SLC6A9: variants seen among roughly 807,000 people sequenced by gnomAD.
The protein encoded by SLC6A9 is sodium- and chloride-dependent glycine transporter 1.
In SLC6A9, 31 loss-of-function variants were observed where a neutral mutation model predicts 70.9. The ratio of observed to expected loss-of-function variants is 0.44; its 90% CI spans 0.33 to 0.59. The LOEUF is 0.59. Among genes scored for constraint, SLC6A9 ranks in the 20% least tolerant of loss-of-function variants. The pLI is 0.04. For synonymous variants in SLC6A9, 310 were observed against 341.3 expected (o/e 0.91, Z 1.01); for missense variants, 631 against 845.2 (o/e 0.75, Z 3.14).
intron 4 of SLC6A9, among the ~76,000 whole-genome samples, chr1:44,009,242 T>C (rs1223744065): frequency 6.9e-6 from 1 of 144,730 alleles, no homozygotes; most frequent in Non-Finnish European, 1.5e-5. Context: ...TTTTTTGACA[T>C]GGAGTCTCCC....
At chr1:44,010,464 G>C (rs935828577) in intron 3 of SLC6A9, 5 of 234,624 alleles carry the variant, frequency 2.1e-5, no homozygotes, top group African/African-American at 7.0e-5. Context: ...GGCGGGGGGG[G>C]GGGGGGGTTA....
rs1467317698 is a variant in SLC6A9, at chr1:44,013,888, C to CT, written c.31-3007dup. Among the ~76,000 whole-genome samples, 1 of 152,192 alleles carries CT rather than the reference C, an allele frequency of 6.6e-6. No individual in the cohort carries two copies. Among genetic ancestry groups the CT allele is most frequent in the Non-Finnish European group, 1.5e-5 (1 of 68,030 alleles). ...CTAAATCTTTTTCAATACTGTATGG[C>CT]TTTTTTTCTCCCTCCTTGCATAATC... On this transcript the variant is annotated intron_variant, in intron 2 of 13. Coordinates refer to ENST00000372310, the MANE Select transcript of SLC6A9 (RefSeq NM_001024845.3). This position sits in a 1 kb window ranked among gnomAD's most constrained non-coding sequence, Gnocchi z 5.3.
At chr1:44,009,842 TG>T in intron 4 of SLC6A9, 122 bp downstream of exon 4, 1 of 1,179,398 alleles carries the variant, frequency 8.5e-7, no homozygotes, top group Non-Finnish European at 1.2e-6. Context: ...ATGTGGGGCT[TG>T]GGGTCAGCAT....
Position 44,000,971 on chromosome 1 carries a change from T to C in SLC6A9, c.1420A>G (p.Ile474Val), listed in dbSNP as rs778742760. Residue 474 changes from isoleucine (I) to valine (V), a missense_variant, in exon 11 of 14, where the codon ATC (isoleucine) becomes GTC (valine). Ile to Val is a conservative substitution (Grantham distance 29). Coordinates refer to ENST00000372310, the MANE Select transcript of SLC6A9 (RefSeq NM_001024845.3). ...VVISCIMCVA[I>V]MYIYGHRNYF... ...GAGTGCTCACCGTAGATGTACATGA[T>C]GGCCACACACATGATGCAGGAGATG... 1.3e-6 allele frequency: 2 copies of C among 1,598,598 alleles called. No homozygotes were observed. Among genetic ancestry groups the C allele is most frequent in the South Asian group, 1.1e-5 (1 of 88,918 alleles).
Position 43,997,272 on chromosome 1 carries a change from GGA to G in SLC6A9, c.*271_*272del. ...CACGTAAAGCCATCCAGGCTGCTGG[GGA>G]CCTGGCCCGAGACCCCTCCAAAGTG... On this transcript the variant is annotated 3_prime_UTR_variant, in exon 14 of 14. Coordinates refer to ENST00000372310, the MANE Select transcript of SLC6A9 (RefSeq NM_001024845.3). This position sits in a 1 kb window ranked among gnomAD's most constrained non-coding sequence, Gnocchi z 4.4. 2 of 483,946 alleles carry G rather than the reference GGA, an allele frequency of 4.1e-6. No individual in the cohort carries two copies. Among genetic ancestry groups the G allele is most frequent in the South Asian group, 2.5e-5 (1 of 40,020 alleles). 30.0% of individuals were successfully genotyped at this position (483,946 alleles called of 1,614,324 possible).
chr1:44,026,479 C>T (rs1007561879), intron 1 of SLC6A9, among the ~76,000 whole-genome samples: 1 of 151,882 alleles, frequency 6.6e-6, no homozygotes, highest in Non-Finnish European at 1.5e-5. Context: ...ACCAATATGG[C>T]GAAATCCCGT....
At chr1:44,005,515 C>T (rs907983484) in intron 5 of SLC6A9, among the ~76,000 whole-genome samples, 1 of 152,128 alleles carries the variant, frequency 6.6e-6, no homozygotes, top group Admixed American at 6.5e-5. Flanking sequence ...AGTGAGATCG[C>T]GCAGCTGTCC....
At chr1:44,004,196 A>G (rs1246310648) in intron 5 of SLC6A9, among the ~76,000 whole-genome samples, 1 of 151,804 alleles carries the variant, frequency 6.6e-6, no homozygotes, top group Non-Finnish European at 1.5e-5. Flanking sequence ...GGATTTCACC[A>G]TGTTGGCCAG....
chr1:44,019,853 CG>C (rs1285595981), intron 2 of SLC6A9, among the ~76,000 whole-genome samples: 1 of 151,928 alleles, frequency 6.6e-6, no homozygotes, highest in East Asian at 1.9e-4. Context: ...GGGAAGGTCC[CG>C]CTGAGCTGGG....
intron 1 of SLC6A9, among the ~76,000 whole-genome samples, chr1:44,027,364 G>A (rs1046790523): frequency 1.3e-5 from 2 of 152,178 alleles, no homozygotes; most frequent in Non-Finnish European, 2.9e-5. Context: ...TAGTTTCCTC[G>A]TAAGTTCTGA....
intron 5 of SLC6A9, among the ~76,000 whole-genome samples, chr1:44,004,976 C>T (rs2086258369): frequency 6.6e-6 from 1 of 152,238 alleles, no homozygotes; most frequent in African/African-American, 2.4e-5. Flanking sequence ...ACAGGTCCCA[C>T]AGGGGCTGTG....
At chr1:44,025,457 A>C (rs1213864156) in intron 1 of SLC6A9, among the ~76,000 whole-genome samples, 1 of 148,788 alleles carries the variant, frequency 6.7e-6, no homozygotes, top group Non-Finnish European at 1.5e-5. Flanking sequence ...GCCTCATTGC[A>C]CTCCAGCCTG....
chr1:44,012,823 C>T (rs925794577), intron 2 of SLC6A9, among the ~76,000 whole-genome samples: 8 of 152,144 alleles, frequency 5.3e-5, no homozygotes, highest in Non-Finnish European at 1.5e-5. Flanking sequence ...TAGAGGGTGC[C>T]CCCCGGCCTG....
chr1:44,006,449 G>A (rs1405050139), intron 5 of SLC6A9, among the ~76,000 whole-genome samples: 1 of 151,870 alleles, frequency 6.6e-6, no homozygotes, highest in Non-Finnish European at 1.5e-5. Flanking sequence ...CAAGCCAGGC[G>A]TGGTGGCGGG....
intron 2 of SLC6A9, among the ~76,000 whole-genome samples, chr1:44,021,748 T>C (rs916688535): frequency 5.9e-5 from 9 of 152,178 alleles, no homozygotes; most frequent in African/African-American, 2.2e-4. Context: ...TTACTAGCCA[T>C]AGGAAGACAC....
intron 12 of SLC6A9, 124 bp from the exon 13 acceptor site, chr1:43,998,149 C>G: frequency 1.1e-6 from 1 of 910,712 alleles, no homozygotes; most frequent in Non-Finnish European, 1.6e-6. Context: ...TGGGGCAGAA[C>G]AGGGACAGCT....
In SLC6A9 at chr1:44,001,573, G is replaced by A. The variant is rs200941888; in HGVS notation, c.1017C>T (p.Phe339=). Residue 339 remains phenylalanine (F), a synonymous_variant, in exon 9 of 14, where the codon TTC becomes TTT. Transcript: ENST00000372310. ...TGAAGCCGAGGATGGAGAAGATGAC[G>A]AAGCCAGCATAGACGCTGGTGGCAC... ...TNCATSVYAG[F]VIFSILGFMA... is the part of the protein sequence containing the mutation. 136 of 1,614,136 alleles carry A rather than the reference G, an allele frequency of 8.4e-5. No homozygotes were observed. Among genetic ancestry groups the A allele is most frequent in the Middle Eastern group, 8.2e-4 (5 of 6,082 alleles).
In SLC6A9 at chr1:44,024,365, G is replaced by A; in HGVS notation, c.-85-3C>T. ...TTTCAGGCCACAGATCTCAAGAGCT[G>A]TGGAGAGAGCAGAGGGTGAGGTGAG... On this transcript the variant is annotated splice_polypyrimidine_tract_variant and splice_region_variant and intron_variant, in intron 1 of 13. Transcript: ENST00000372310. 2 of 1,524,268 alleles carry A rather than the reference G, an allele frequency of 1.3e-6. No homozygotes were observed. Among genetic ancestry groups the A allele is most frequent in the Non-Finnish European group, 1.8e-6 (2 of 1,098,426 alleles). The allele number at this position is 1,524,268 out of a possible 1,614,324, so 94.4% of individuals were successfully genotyped here. A position where few individuals can be genotyped will look rare whatever the true frequency, so the allele number is the denominator to read the frequency against.
intron 3 of SLC6A9, 145 bp downstream of exon 3, chr1:44,010,581 C>A: frequency 1.3e-6 from 1 of 756,136 alleles, no homozygotes; most frequent in Non-Finnish European, 2.1e-6. Flanking sequence ...CAAAGGGTGC[C>A]TAAGCCAGGG....
Sources: allele counts gnomAD v4.1 joint callset (sites outside exome capture counted in the v4.1 genomes callset), GRCh38; gene constraint gnomAD v4.1.1; non-coding constraint Gnocchi (gnomAD v3.1); transcripts MANE v1.5; gene names NCBI Gene and HGNC (gene_info 2026-07-23, HGNC 2026-07-21).